Variants in LZTR1 observed in about 807,000 individuals in gnomAD.
LZTR1 encodes leucine zipper like post translational regulator 1, also known as leucine-zipper-like transcriptional regulator 1.
Under a neutral mutation model 105.7 loss-of-function variants are expected in LZTR1, and 260 were observed. The observed-to-expected ratio is 2.46, with a 90% CI of 2.22 to 2.72. The LOEUF (loss-of-function observed/expected upper bound fraction) is 2.72. Among genes scored for constraint, LZTR1 ranks in the 30% most tolerant of loss-of-function variants. LZTR1 has a pLI of 0.00. For synonymous variants in LZTR1, 490 were observed against 476.4 expected (o/e 1.03, Z -0.37); for missense variants, 1,214 against 1,166.9 (o/e 1.04, Z -0.59).
chr22:20,982,483 G>T lies in LZTR1; in HGVS notation c.112G>T (p.Val38Phe). The change falls in exon 1 of 21, where the codon GTC (valine) becomes TTC (phenylalanine). Residue 38 changes from valine to phenylalanine, a missense_variant. Val to Phe is a conservative substitution (Grantham distance 50). Transcript: ENST00000646124. ...VDFDHSCSDS[V>F]EYLTLNFGPF... The stretch of plus-strand genomic sequence containing the variant: ...CTTCGACCATAGCTGCTCGGACAGT[G>T]TCGAGTACCTGACGCTCAACTTCGG... 6.2e-7 allele frequency: 1 copy of T among 1,611,878 alleles called. No homozygotes were observed. Among genetic ancestry groups the T allele is most frequent in the East Asian group, 2.2e-5 (1 of 44,840 alleles).
intron 7 of LZTR1, 143 bp downstream of exon 7, chr22:20,989,825 C>A: frequency 1.1e-6 from 1 of 884,902 alleles, no homozygotes; most frequent in Non-Finnish European, 1.8e-6. Context: ...GGCTGGGGGT[C>A]GAGGCTGCTT....
rs1000379425 is a variant in LZTR1, at chr22:20,997,261, G to C, written c.2436G>C (p.Leu812=). 1.9e-6 allele frequency: 3 copies of C among 1,613,704 alleles called. No homozygotes were observed. Among genetic ancestry groups the C allele is most frequent in the Non-Finnish European group, 1.7e-6 (2 of 1,179,780 alleles). Residue 812 remains leucine (L), a synonymous_variant, in exon 21 of 21, where the codon CTG becomes CTC. Transcript: ENST00000646124. ...KVSKLPTLRS[L]SQQLLLDIID... is the part of the protein sequence containing the mutation. ...CCAAGTTGCCCACCCTGCGGTCGCT[G>C]AGCCAGCAGCTGCTGCTGGACATCA... is the stretch of plus-strand genomic sequence containing the variant.
At position 20,998,391 on chromosome 22, in the gene LZTR1, G is replaced by A. The variant is rs1924958914; in HGVS notation, c.*1043G>A. On this transcript the variant is annotated 3_prime_UTR_variant, in exon 21 of 21. Coordinates refer to ENST00000646124, the MANE Select transcript of LZTR1 (RefSeq NM_006767.4). ...CACTATGCTCTTGGCTCCTGTGGAAGGAGGGCTGCCCTCTTGCCCTAGTGA... is the reference window on the plus strand; with the variant it reads ...CACTATGCTCTTGGCTCCTGTGGAAAGAGGGCTGCCCTCTTGCCCTAGTGA... 6.6e-6 allele frequency: 1 copy of A among 152,378 alleles called. No homozygotes were observed. Among genetic ancestry groups the A allele is most frequent in the African/African-American group, 2.4e-5 (1 of 41,460 alleles). The allele number at this position is 152,378 out of a possible 1,614,324, so 9.4% of individuals were successfully genotyped here. A position where few individuals can be genotyped will look rare whatever the true frequency, so the allele number is the denominator to read the frequency against.
intron 5 of LZTR1, 28 bp from the exon 6 acceptor site, chr22:20,988,761 C>G: frequency 6.3e-7 from 1 of 1,587,608 alleles, no homozygotes; most frequent in Non-Finnish European, 8.6e-7. Flanking sequence ...GGCGGCCTCA[C>G]TCCCTCCCCT....
chr22:20,998,270 TG>T lies in LZTR1; in HGVS notation c.*925del, dbSNP rs1407940850. The T allele has an allele frequency of 6.6e-6, 1 of 152,318 alleles. No individual in the cohort carries two copies. Among genetic ancestry groups the T allele is most frequent in the East Asian group, 1.9e-4 (1 of 5,188 alleles). The allele number at this position is 152,318 out of a possible 1,614,324, so 9.4% of individuals were successfully genotyped here. A position where few individuals can be genotyped will look rare whatever the true frequency, so the allele number is the denominator to read the frequency against. ...TCCACCTGGGGTCACCCAGTCACAT[TG>T]GGAAGGGCTGTGAAGGCCTCCAGGC... On this transcript the variant is annotated 3_prime_UTR_variant, in exon 21 of 21. Coordinates refer to ENST00000646124, the MANE Select transcript of LZTR1 (RefSeq NM_006767.4).
intron 2 of LZTR1, among the ~76,000 whole-genome samples, chr22:20,984,615 G>GCGC (rs1555927181): frequency 2.9e-5 from 1 of 35,034 alleles, no homozygotes; most frequent in Non-Finnish European, 1.1e-4. Context: ...AAGTAAGGAG[G>GCGC]GGGGGGGGGC....
At position 20,995,890 on chromosome 22, in the gene LZTR1, A is replaced by C. The variant is rs1469656803; in HGVS notation, c.2069+18A>C. On this transcript the variant is annotated intron_variant, in intron 17 of 20. Transcript: ENST00000646124. ...CGCTCCAGGTGGGTGGGGGCTGGAC[A>C]GGAGGGGAGGGTGGGCCTGGATGGT... 2 of 1,612,646 alleles carry C rather than the reference A, an allele frequency of 1.2e-6. No homozygotes were observed. The highest frequency in any genetic ancestry group is 2.2e-5 in the South Asian group (2 of 91,056).
At chr22:20,993,517 C>T in intron 11 of LZTR1, 145 bp from the exon 12 acceptor site, 1 of 641,730 alleles carries the variant, frequency 1.6e-6, no homozygotes, top group East Asian at 2.8e-5. Context: ...GTAGCGGCTG[C>T]TTCCTCTCCT....
At position 20,994,943 on chromosome 22, in the gene LZTR1, T is replaced by C; in HGVS notation, c.1859T>C (p.Leu620Pro). ...QVIMMKEFER[L>P]SSPLIVEIVR... Reference sequence around the variant, plus strand: ...ATCATGATGAAGGAGTTCGAGCGCCTCTCCTCTCCACTGATAGTGGAGATT... The same window carrying C: ...ATCATGATGAAGGAGTTCGAGCGCCCCTCCTCTCCACTGATAGTGGAGATT... The change falls in exon 16 of 21, where the codon CTC (leucine) becomes CCC (proline). Residue 620 changes from leucine (L) to proline (P), a missense_variant. Coordinates refer to ENST00000646124, the MANE Select transcript of LZTR1 (RefSeq NM_006767.4). The C allele has an allele frequency of 6.2e-7, 1 of 1,613,228 alleles. No individual in the cohort carries two copies. The highest frequency in any genetic ancestry group is 8.5e-7 in the Non-Finnish European group (1 of 1,179,968).
rs939791025 is a variant in LZTR1, at chr22:20,994,018, A to C, written c.1448A>C (p.Gln483Pro). Reference protein sequence around the residue: ...KITQARERLAQKLEQEAAPVP... With the variant: ...KITQARERLAPKLEQEAAPVP... ...ACGCAGGCGCGGGAGAGGCTGGCCC[A>C]GGTGAGGTGCCTAACCGCCCTGCCC... Residue 483 changes from glutamine (Q) to proline (P), a missense_variant and splice_region_variant, in exon 13 of 21, where the codon CAG becomes CCG. Transcript: ENST00000646124. 8.7e-6 allele frequency: 14 copies of C among 1,605,776 alleles called. No individual in the cohort carries two copies. The highest frequency in any genetic ancestry group is 1.2e-5 in the Non-Finnish European group (14 of 1,177,668).
In LZTR1 at chr22:20,993,737, G is replaced by A. The variant is rs1339837843; in HGVS notation, c.1336G>A (p.Glu446Lys). 3 of 1,613,140 alleles carry A rather than the reference G, an allele frequency of 1.9e-6. No homozygotes were observed. The African/African-American group carries it at 4.0e-5, about 22-fold the overall frequency. Residue 446 changes from glutamate to lysine, a missense_variant, in exon 12 of 21, where the codon GAG becomes AAG. Coordinates refer to ENST00000646124, the MANE Select transcript of LZTR1 (RefSeq NM_006767.4). ...LWESRQFCDV[E>K]FVLGEKEECV... is the part of the protein sequence containing the mutation. ...GGAGAGCCGCCAGTTCTGCGACGTG[G>A]AGTTCGTGCTGGGTGAGGTGGGTGC...
At chr22:20,983,476 G>T (rs150109929) in intron 2 of LZTR1, among the ~76,000 whole-genome samples, 2 of 152,154 alleles carry the variant, frequency 1.3e-5, no homozygotes, top group Non-Finnish European at 2.9e-5. Context: ...TTTTTGTGGG[G>T]GTTTTCCCAA....
At chr22:20,993,377 G>A (rs1005904789) in intron 11 of LZTR1, 59 of 541,046 alleles carry the variant, frequency 1.1e-4, no homozygotes, top group African/African-American at 7.5e-4. Context: ...GAGTGGAGAC[G>A]GCAGAGCTCT....
chr22:20,990,597 C>G (rs1467284498), intron 8 of LZTR1, 72 bp downstream of exon 8: 1 of 1,446,064 alleles, frequency 6.9e-7, no homozygotes, highest in African/African-American at 1.4e-5. Flanking sequence ...ATGAAGAACG[C>G]CTCTTGCACC....
chr22:20,995,614 G>T, intron 16 of LZTR1, 132 bp from the exon 17 acceptor site: 1 of 1,106,158 alleles, frequency 9.0e-7, no homozygotes, highest in Non-Finnish European at 1.3e-6. Flanking sequence ...ACCTCAGGGC[G>T]AGTGAGGCCT....
intron 5 of LZTR1, among the ~76,000 whole-genome samples, 174 bp from the exon 6 acceptor site, chr22:20,988,615 C>T (rs371783472): frequency 1.3e-5 from 2 of 152,178 alleles, no homozygotes; most frequent in East Asian, 1.9e-4. Context: ...AGCCACTAGT[C>T]GGCCTCTGGG....
At chr22:20,992,704 G>C in intron 10 of LZTR1, 90 bp from the exon 11 acceptor site, 2 of 852,708 alleles carry the variant, frequency 2.3e-6, no homozygotes. Flanking sequence ...ATGGCCATGA[G>C]GTGCCGCATC....
intron 18 of LZTR1, 88 bp from the exon 19 acceptor site, chr22:20,996,608 G>A: frequency 9.5e-7 from 1 of 1,051,606 alleles, no homozygotes; most frequent in South Asian, 1.3e-5. Flanking sequence ...GTGGGGGCTT[G>A]GGGCTCCAGC....
chr22:20,993,130 A>G (rs952272842), intron 11 of LZTR1, among the ~76,000 whole-genome samples: 5 of 152,198 alleles, frequency 3.3e-5, no homozygotes, highest in African/African-American at 9.6e-5. Context: ...GGCTCACGGC[A>G]GAGTCAGTGG....
Sources: allele counts gnomAD v4.1 joint callset (sites outside exome capture counted in the v4.1 genomes callset), GRCh38; gene constraint gnomAD v4.1.1; transcripts MANE v1.5; gene names NCBI Gene and HGNC (gene_info 2026-07-23, HGNC 2026-07-21).